PRKCH: variants seen among roughly 807,000 people sequenced by gnomAD.
PRKCH encodes protein kinase C eta type.
Under a neutral mutation model 82.5 loss-of-function variants are expected in PRKCH, and 28 were observed. The observed-to-expected ratio is 0.34, with a 90% confidence interval of 0.25 to 0.47. The LOEUF (loss-of-function observed/expected upper bound fraction) is 0.47. PRKCH is among the 20% of genes least tolerant of loss of function. The pLI is 1.00. For synonymous variants in PRKCH, 322 were observed against 327.4 expected, an observed-to-expected ratio of 0.98 and a Z score of 0.18; for missense variants, 705 against 881.8, an observed-to-expected ratio of 0.80 and a Z score of 2.54.
At chr14:61,513,654 T>C (rs2042779580) in intron 10 of PRKCH, among the ~76,000 whole-genome samples, 1 of 152,156 alleles carries the variant, frequency 6.6e-6, no homozygotes, top group Admixed American at 6.5e-5. Flanking sequence ...CAAATACATA[T>C]AAAACAGAAG....
intron 1 of PRKCH, among the ~76,000 whole-genome samples, chr14:61,362,675 G>A (rs2046245015): frequency 6.6e-6 from 1 of 152,138 alleles, no homozygotes; most frequent in Admixed American, 6.5e-5. Flanking sequence ...GGAAATGAAG[G>A]TTCCCTTTTC....
intron 1 of PRKCH, among the ~76,000 whole-genome samples, chr14:61,242,651 G>A (rs916150965): frequency 6.6e-6 from 1 of 152,030 alleles, no homozygotes; most frequent in Non-Finnish European, 1.5e-5. Context: ...CCCCTCCTCG[G>A]CCTCCCAAAG....
At chr14:61,498,506 C>T (rs1363067429) in intron 10 of PRKCH, among the ~76,000 whole-genome samples, 3 of 152,166 alleles carry the variant, frequency 2.0e-5, no homozygotes, top group Non-Finnish European at 4.4e-5. Flanking sequence ...ACTGCTTAGT[C>T]TGCTGCCATA....
chr14:61,397,340 G>A, intron 2 of PRKCH, among the ~76,000 whole-genome samples: 1 of 152,196 alleles, frequency 6.6e-6, no homozygotes, highest in East Asian at 1.9e-4. Flanking sequence ...GGAGTTTGAG[G>A]TGCTTGTGGG....
At chr14:61,475,591 A>T (rs1036701070) in intron 9 of PRKCH, among the ~76,000 whole-genome samples, 2 of 152,224 alleles carry the variant, frequency 1.3e-5, no homozygotes, top group African/African-American at 2.4e-5. Flanking sequence ...TTTTATTTTC[A>T]TTAACCTAAT....
intron 9 of PRKCH, chr14:61,476,417 A>G (rs1956837066): frequency 1.3e-5 from 2 of 152,376 alleles, no homozygotes; most frequent in South Asian, 2.1e-4. Flanking sequence ...TATGTGGACC[A>G]GAAATGCCAA....
chr14:61,241,044 G>T (rs1208443584), intron 1 of PRKCH, among the ~76,000 whole-genome samples: 1 of 152,174 alleles, frequency 6.6e-6, no homozygotes, highest in Non-Finnish European at 1.5e-5. Flanking sequence ...CTTCACTTCA[G>T]ATGCCAGTTG....
intron 11 of PRKCH, 107 bp from the exon 12 acceptor site, chr14:61,530,300 T>TA (rs2043029465): frequency 4.2e-5 from 52 of 1,251,052 alleles, no homozygotes; most frequent in Non-Finnish European, 4.9e-5. Context: ...GGAGACTTTT[T>TA]TAAAAAAACT....
At chr14:61,214,765 T>C (rs2140048600) in intron 1 of PRKCH, among the ~76,000 whole-genome samples, 1 of 152,340 alleles carries the variant, frequency 6.6e-6, no homozygotes, top group African/African-American at 2.4e-5. Context: ...TCACTAGGGT[T>C]TGATAGATAG....
intron 9 of PRKCH, among the ~76,000 whole-genome samples, chr14:61,482,056 G>A (rs571325757): frequency 2.8e-5 from 4 of 144,668 alleles, no homozygotes; most frequent in Non-Finnish European, 6.0e-5. Flanking sequence ...AGTGCATGGC[G>A]CGATCTTGGC....
chr14:61,251,382 T>C (rs952844764), intron 1 of PRKCH, among the ~76,000 whole-genome samples: 3 of 152,210 alleles, frequency 2.0e-5, no homozygotes, highest in African/African-American at 7.2e-5. Flanking sequence ...ATAACCATCC[T>C]TCTATTCTCT....
At chr14:61,287,455 A>T (rs1474944353) in intron 1 of PRKCH, among the ~76,000 whole-genome samples, 1 of 151,942 alleles carries the variant, frequency 6.6e-6, no homozygotes, top group Non-Finnish European at 1.5e-5. Flanking sequence ...TCACGCCTGT[A>T]ATCCCAGCGC....
chr14:61,207,134 A>T (rs1404995626), intron 1 of PRKCH, among the ~76,000 whole-genome samples: 1 of 135,562 alleles, frequency 7.4e-6, no homozygotes, highest in African/African-American at 2.6e-5. Flanking sequence ...AAAAAAAAAA[A>T]GATGTACTGA....
At chr14:61,428,271 T>G (rs759981909) in intron 2 of PRKCH, among the ~76,000 whole-genome samples, 15 of 152,060 alleles carry the variant, frequency 9.9e-5, no homozygotes, top group Admixed American at 3.3e-4. Context: ...AGTGCTGGGA[T>G]TATAGGTGCT....
chr14:61,246,181 G>A lies in PRKCH; in HGVS notation c.-19+58513G>A, dbSNP rs145592546. ...AGCCCTTTGGGAGGCCGAGGCGAGT[G>A]GATCACCTGAGGTCAGGAGTTCAAC... On this transcript the variant is annotated intron_variant, in intron 1 of 3. Transcript: ENST00000555185. 3.3e-3 allele frequency among the ~76,000 whole-genome samples: 504 copies of A among 151,862 alleles called. 3 individuals carry two copies. The highest frequency in any genetic ancestry group is 0.014 in the Middle Eastern group (4 of 294).
At chr14:61,547,702 A>C in intron 12 of PRKCH, 41 bp from the exon 13 acceptor site, 1 of 1,595,972 alleles carries the variant, frequency 6.3e-7, no homozygotes, top group Non-Finnish European at 8.6e-7. Context: ...TGCTGGTTGT[A>C]TGTGAATGAA....
chr14:61,520,661 A>G (rs1463949241), intron 10 of PRKCH, among the ~76,000 whole-genome samples: 1 of 152,234 alleles, frequency 6.6e-6, no homozygotes, highest in Non-Finnish European at 1.5e-5. Flanking sequence ...AATCTCATTA[A>G]TAGTCAAGAA....
chr14:61,294,341 C>T (rs1470652194), intron 1 of PRKCH, among the ~76,000 whole-genome samples: 5 of 152,110 alleles, frequency 3.3e-5, no homozygotes, highest in Admixed American at 2.0e-4. Context: ...AGGATGGTCT[C>T]GATCTCCTGA....
At chr14:61,496,016 A>G (rs1323492989) in intron 10 of PRKCH, among the ~76,000 whole-genome samples, 2 of 152,184 alleles carry the variant, frequency 1.3e-5, no homozygotes, top group Non-Finnish European at 2.9e-5. Context: ...GCTCCATGTG[A>G]ATATCTGGGA....
Sources: gnomAD v4.1 joint callset for allele counts (sites outside exome capture counted in the v4.1 genomes callset) on GRCh38, gnomAD v4.1.1 for gene constraint, MANE v1.5 for transcripts, NCBI Gene and HGNC (gene_info 2026-07-23, HGNC 2026-07-21) for gene names.